Variants in KLF12 observed in about 807,000 individuals in gnomAD.
KLF12 encodes the protein Krueppel-like factor 12.
A neutral mutation model predicts 37.8 loss-of-function variants in KLF12; 9 were observed. The ratio of observed to expected loss-of-function variants is 0.24; its 90% CI spans 0.14 to 0.42. KLF12 has a LOEUF of 0.42. KLF12 is among the 10% of genes least tolerant of loss of function. The probability of loss-of-function intolerance (pLI) is 1.00; values close to 1 mark genes in which losing one functional copy is unlikely to be tolerated. For synonymous variants in KLF12, 208 were observed against 202.1 expected, an observed-to-expected ratio of 1.03 and a Z score of -0.25; for missense variants, 411 against 516.0, an observed-to-expected ratio of 0.80 and a Z score of 1.97.
chr13:74,195,354 G>A, the KLF12 span, among the ~76,000 whole-genome samples: 24 of 152,258 alleles, frequency 1.6e-4, no homozygotes, highest in East Asian at 3.5e-3. Context: ...CTTGCTGGGC[G>A]TGCGAACTGC....
At chr13:73,739,478 A>C (rs2137878797) in intron 6 of KLF12, among the ~76,000 whole-genome samples, 1 of 152,252 alleles carries the variant, frequency 6.6e-6, no homozygotes, top group Middle Eastern at 3.4e-3. Context: ...GTTTTTAAAA[A>C]ATGTATGTCA....
chr13:73,951,799 T>C (rs1258952129), intron 2 of KLF12, among the ~76,000 whole-genome samples: 3 of 152,236 alleles, frequency 2.0e-5, no homozygotes, highest in African/African-American at 7.2e-5. Context: ...ACTATGTGCA[T>C]TCTATTCCAT....
intron 6 of KLF12, among the ~76,000 whole-genome samples, chr13:73,737,905 G>A (rs900000339): frequency 3.3e-5 from 5 of 151,654 alleles, no homozygotes; most frequent in Non-Finnish European, 4.4e-5. Flanking sequence ...GCACTAATAC[G>A]TGACTGTAAA....
chr13:74,013,180 G>C (rs576474909), intron 1 of KLF12, among the ~76,000 whole-genome samples: 1 of 152,228 alleles, frequency 6.6e-6, no homozygotes, highest in Non-Finnish European at 1.5e-5. Flanking sequence ...GGCTGTGCCT[G>C]AAGTTACCAA....
chr13:74,000,413 T>C (rs1892244701), intron 1 of KLF12, among the ~76,000 whole-genome samples: 2 of 150,694 alleles, frequency 1.3e-5, no homozygotes, highest in African/African-American at 4.9e-5. Context: ...AGGAGAAAGA[T>C]TTCAGAGGTC....
At chr13:74,177,400 C>T in the KLF12 span, among the ~76,000 whole-genome samples, 4 of 152,048 alleles carry the variant, frequency 2.6e-5, no homozygotes, top group African/African-American at 7.2e-5. Flanking sequence ...GCCAGCCCTG[C>T]GTAAAGCACT....
At chr13:74,291,444 G>A in the KLF12 span, among the ~76,000 whole-genome samples, 1 of 152,348 alleles carries the variant, frequency 6.6e-6, no homozygotes, top group African/African-American at 2.4e-5. Flanking sequence ...GTGGTGGCAA[G>A]TGAGGCCCCA....
the KLF12 span, among the ~76,000 whole-genome samples, chr13:74,267,651 G>A: frequency 1.3e-5 from 2 of 152,058 alleles, no homozygotes; most frequent in Non-Finnish European, 2.9e-5. Flanking sequence ...AGAAGAAATA[G>A]GCTCTAGTGT....
chr13:73,732,437 G>C (rs868336266), intron 6 of KLF12, among the ~76,000 whole-genome samples: 1 of 152,078 alleles, frequency 6.6e-6, no homozygotes, highest in African/African-American at 2.4e-5. Context: ...GTTCAGTCAT[G>C]TTAAGTAACT....
intron 1 of KLF12, among the ~76,000 whole-genome samples, chr13:74,066,943 T>C (rs562736155): frequency 2.0e-5 from 3 of 152,270 alleles, no homozygotes; most frequent in Non-Finnish European, 2.9e-5. Context: ...AACTTACCCA[T>C]AGCCCAAGAT....
chr13:74,076,430 C>T (rs1016765388), intron 1 of KLF12, among the ~76,000 whole-genome samples: 30 of 152,086 alleles, frequency 2.0e-4, no homozygotes, highest in Admixed American at 1.2e-3. Context: ...GCTTCCAAGA[C>T]GGTGCCTTGA....
At chr13:74,153,805 A>G in the KLF12 span, among the ~76,000 whole-genome samples, 1 of 152,202 alleles carries the variant, frequency 6.6e-6, no homozygotes, top group African/African-American at 2.4e-5. Flanking sequence ...CTGGGTTTCT[A>G]GGCATGATCC....
chr13:73,827,400 G>C (rs571341301), intron 4 of KLF12, among the ~76,000 whole-genome samples: 37 of 152,198 alleles, frequency 2.4e-4, no homozygotes, highest in African/African-American at 7.9e-4. Flanking sequence ...CCATACTGTT[G>C]TAAGACTTAA....
chr13:73,978,709 A>C (rs1296193014), intron 2 of KLF12, among the ~76,000 whole-genome samples: 1 of 152,178 alleles, frequency 6.6e-6, no homozygotes, highest in Non-Finnish European at 1.5e-5. Context: ...ATCTACACAA[A>C]AATATGCATA....
At chr13:74,211,034 G>C in the KLF12 span, among the ~76,000 whole-genome samples, 2 of 152,184 alleles carry the variant, frequency 1.3e-5, no homozygotes, top group African/African-American at 4.8e-5. Flanking sequence ...ATTGGAGTCT[G>C]TAAGTTCACA....
At chr13:73,964,211 A>T (rs1380743440) in intron 2 of KLF12, among the ~76,000 whole-genome samples, 1 of 152,210 alleles carries the variant, frequency 6.6e-6, no homozygotes, top group Non-Finnish European at 1.5e-5. Flanking sequence ...GGTACCCTGT[A>T]CTTTCACACA....
At chr13:74,251,302 T>G in the KLF12 span, among the ~76,000 whole-genome samples, 2 of 151,932 alleles carry the variant, frequency 1.3e-5, no homozygotes, top group African/African-American at 2.4e-5. Flanking sequence ...CAAGCATGCA[T>G]CCTGCTAATT....
intron 7 of KLF12, among the ~76,000 whole-genome samples, chr13:73,709,928 A>C (rs1875238470): frequency 6.6e-6 from 1 of 152,208 alleles, no homozygotes; most frequent in Non-Finnish European, 1.5e-5. Flanking sequence ...ACAGATGAAG[A>C]AGCTGAAACA....
chr13:74,155,130 G>C, the KLF12 span, among the ~76,000 whole-genome samples: 1 of 152,138 alleles, frequency 6.6e-6, no homozygotes, highest in East Asian at 1.9e-4. Flanking sequence ...ACAGGATCCT[G>C]GTTCTGACTT....
Sources: gnomAD v4.1 joint callset for allele counts (sites outside exome capture counted in the v4.1 genomes callset) on GRCh38, gnomAD v4.1.1 for gene constraint, MANE v1.5 for transcripts, NCBI Gene and HGNC (gene_info 2026-07-23, HGNC 2026-07-21) for gene names.